Variants in PAX9 observed in about 807,000 individuals in gnomAD.
The protein encoded by PAX9 is paired box 9.
A neutral mutation model predicts 29.1 loss-of-function variants in PAX9; 6 were observed. The observed-to-expected ratio is 0.21, with a 90% CI of 0.11 to 0.41. The LOEUF (loss-of-function observed/expected upper bound fraction) is 0.41, where lower values mean the gene tolerates loss of function less well. PAX9 is among the 10% of genes least tolerant of loss of function. PAX9 has a pLI of 1.00. For missense variants in PAX9, 443 were observed against 479.1 expected (o/e 0.92, Z 0.70); for synonymous variants, 217 against 211.7 (o/e 1.03, Z -0.22).
At chr14:36,668,537 C>G (rs960534324) in intron 3 of PAX9, among the ~76,000 whole-genome samples, 1 of 152,030 alleles carries the variant, frequency 6.6e-6, no homozygotes, top group Non-Finnish European at 1.5e-5. Context: ...TACAGGCACG[C>G]GCCGCCACAC....
chr14:36,669,873 T>G (rs1454836088), intron 3 of PAX9, among the ~76,000 whole-genome samples: 1 of 152,106 alleles, frequency 6.6e-6, no homozygotes, highest in Non-Finnish European at 1.5e-5. Flanking sequence ...AGAATATTTA[T>G]TTTGGCTTTT....
At chr14:36,675,783 G>A (rs180898278) in intron 3 of PAX9, among the ~76,000 whole-genome samples, 28 of 152,268 alleles carry the variant, frequency 1.8e-4, no homozygotes, top group African/African-American at 6.5e-4. Flanking sequence ...AACCAGGCCT[G>A]TCACAAGTGC....
At position 36,678,136 on chromosome 14, in the gene PAX9, G is replaced by C. The variant is rs10141087; in HGVS notation, c.*1684G>C. ...TCCCTAGGTGATTTTAATTTCTTCC[G>C]GTCTGTGCTGTGCACAGTCTACATG... is the stretch of plus-strand genomic sequence containing the variant. On this transcript the variant is annotated 3_prime_UTR_variant, in exon 4 of 4. Transcript: ENST00000361487. 0.52 allele frequency: 131,766 copies of C among 254,366 alleles called. 34,702 individuals carry two copies. Among genetic ancestry groups the C allele is most frequent in the Admixed American group, 0.6 (12,240 of 20,248 alleles). The allele number at this position is 254,366 out of a possible 1,614,324, so 15.8% of individuals were successfully genotyped here.
rs757438363 is a variant in PAX9, at chr14:36,666,488, C to T, written c.658C>T (p.Pro220Ser). ...GAGCGACAGCTCCCCCTACCACAGCCCCAAGGTGGAGGAGTGGAGCAGCCT... is the reference window on the plus strand; with the variant it reads ...GAGCGACAGCTCCCCCTACCACAGCTCCAAGGTGGAGGAGTGGAGCAGCCT... The part of the protein sequence containing the change: ...QVSDSSPYHS[P>S]KVEEWSSLGR... The change falls in exon 3 of 4, where the codon CCC (proline) becomes TCC (serine). Residue 220 changes from proline to serine, a missense_variant. Pro to Ser is a moderately conservative substitution (Grantham distance 74, BLOSUM62 -1). Coordinates refer to ENST00000361487, the MANE Select transcript of PAX9 (RefSeq NM_001372076.1). The T allele has an allele frequency of 6.2e-7, 1 of 1,611,014 alleles. No individual in the cohort carries two copies. The highest frequency in any genetic ancestry group is 1.1e-5 in the South Asian group (1 of 90,322).
Position 36,663,078 on chromosome 14 carries a change from G to T in PAX9, c.186G>T (p.Glu62Asp). The change falls in exon 2 of 4, where the codon GAG (glutamate) becomes GAT (aspartate). Residue 62 changes from glutamate (E) to aspartate (D), a missense_variant. By Grantham distance (45) the Glu-to-Asp change is conservative. Around this residue, in one of 2 missense-constraint regions of PAX9, gnomAD observed 107 missense variants for 161.9 expected, o/e 0.66. Coordinates refer to ENST00000361487, the MANE Select transcript of PAX9 (RefSeq NM_001372076.1). ...CVSKILARYNETGSILPGAIG... is the reference protein window; with the variant it reads ...CVSKILARYNDTGSILPGAIG... ...GCAAGATCCTGGCGCGATACAACGA[G>T]ACGGGCTCGATCTTGCCAGGAGCCA... 1 of 1,613,964 alleles carries T rather than the reference G, an allele frequency of 6.2e-7. No homozygotes were observed. Among genetic ancestry groups the T allele is most frequent in the Non-Finnish European group, 8.5e-7 (1 of 1,180,036 alleles).
intron 3 of PAX9, among the ~76,000 whole-genome samples, chr14:36,675,091 T>C (rs542337595): frequency 6.6e-6 from 1 of 152,322 alleles, no homozygotes; most frequent in South Asian, 2.1e-4. Flanking sequence ...ATTAAATCAA[T>C]TTTCCTCATA....
In PAX9 at chr14:36,663,216, G is replaced by T; in HGVS notation, c.324G>T (p.Ala108=). 1 of 1,614,004 alleles carries T rather than the reference G, an allele frequency of 6.2e-7. No homozygotes were observed. The highest frequency in any genetic ancestry group is 1.1e-5 in the South Asian group (1 of 91,086). The change falls in exon 2 of 4, where the codon GCG becomes GCT. Residue 108 remains alanine, a synonymous_variant. Coordinates refer to ENST00000361487, the MANE Select transcript of PAX9 (RefSeq NM_001372076.1). Reference sequence around the variant, plus strand: ...GGGAGATCCGGGACCGCCTGCTGGCGGACGGCGTGTGCGACAAGTACAATG... The same window carrying T: ...GGGAGATCCGGGACCGCCTGCTGGCTGACGGCGTGTGCGACAAGTACAATG... The part of the protein sequence containing the change: ...FAWEIRDRLL[A]DGVCDKYNVP...
At chr14:36,666,170 G>C in intron 2 of PAX9, 1 of 438,504 alleles carries the variant, frequency 2.3e-6, no homozygotes, top group Non-Finnish European at 4.1e-6. Context: ...CCCTGGGAGA[G>C]CAAAGGGGCG....
chr14:36,660,959 T>C (rs17104888), upstream of PAX9, among the ~76,000 whole-genome samples: 7,648 of 152,312 alleles, frequency 0.05, 643 homozygotes, highest in African/African-American at 0.17. Context: ...TCCACTGTCT[T>C]GGGACTAAGT....
chr14:36,658,500 C>T (rs904309602), upstream of PAX9: 1 of 152,426 alleles, frequency 6.6e-6, no homozygotes, highest in African/African-American at 2.4e-5. Context: ...TGCATACGCA[C>T]CCCCAACTCT....
At chr14:36,667,924 GCTGTACGA>G (rs1312047558) in intron 3 of PAX9, among the ~76,000 whole-genome samples, 4 of 152,218 alleles carry the variant, frequency 2.6e-5, no homozygotes, top group African/African-American at 9.7e-5. Flanking sequence ...CCGATCTCTG[GCTGTACGA>G]CTTCTTAGGA....
chr14:36,661,708 G>C (rs930009746), upstream of PAX9: 19 of 347,660 alleles, frequency 5.5e-5, no homozygotes, highest in East Asian at 1.0e-3. Flanking sequence ...CACCCAGGTG[G>C]GGAGCTAGCC....
intron 3 of PAX9, 73 bp downstream of exon 3, chr14:36,666,674 G>A (rs1881507156): frequency 2.0e-6 from 3 of 1,524,276 alleles, no homozygotes; most frequent in Non-Finnish European, 2.7e-6. Flanking sequence ...CTTTGTGATG[G>A]GTCCCTTTCT....
At chr14:36,673,113 G>A (rs533075182) in intron 3 of PAX9, among the ~76,000 whole-genome samples, 6 of 151,698 alleles carry the variant, frequency 4.0e-5, no homozygotes, top group Non-Finnish European at 5.9e-5. Flanking sequence ...CAATCCGCCC[G>A]CCTCAGCCTG....
In PAX9 at chr14:36,676,405, C is replaced by T. The variant is rs745507886; in HGVS notation, c.979C>T (p.Gln327Ter). The change falls in exon 4 of 4, where the codon CAG becomes TAG. Residue 327 changes from glutamine to a stop codon, truncating the protein, a stop_gained. Coordinates refer to ENST00000361487, the MANE Select transcript of PAX9 (RefSeq NM_001372076.1). LOFTEE classifies it high-confidence loss of function. The part of the protein sequence containing the change: ...IPASLAFKGM[Q>*]AAREGSHSVT... The stretch of plus-strand genomic sequence containing the variant: ...GGCATCGCTGGCGTTCAAGGGAATG[C>T]AGGCAGCCAGAGAAGGTAGTCATTC... The T allele has an allele frequency of 2.5e-6, 4 of 1,614,090 alleles. No individual in the cohort carries two copies. The South Asian group carries it at 4.4e-5, about 18-fold the overall frequency.
In PAX9 at chr14:36,666,732, A is replaced by T. The variant is rs1881510249; in HGVS notation, c.771+131A>T. Reference sequence around the variant, plus strand: ...AGGCTGGCGTCCCTTTGCTGCTACGAGCCAGATCCTTCGTGGACTGGGGCG... The same window carrying T: ...AGGCTGGCGTCCCTTTGCTGCTACGTGCCAGATCCTTCGTGGACTGGGGCG... On this transcript the variant is annotated intron_variant, in intron 3 of 3. Coordinates refer to ENST00000361487, the MANE Select transcript of PAX9 (RefSeq NM_001372076.1). 5 of 1,219,038 alleles carry T rather than the reference A, an allele frequency of 4.1e-6. No individual in the cohort carries two copies. In the Admixed American group the frequency reaches 1.0e-4, roughly 24 times the overall value. The allele number at this position is 1,219,038 out of a possible 1,614,324, so 75.5% of individuals were successfully genotyped here.
At chr14:36,669,371 T>C (rs1881625875) in intron 3 of PAX9, among the ~76,000 whole-genome samples, 1 of 152,168 alleles carries the variant, frequency 6.6e-6, no homozygotes, top group South Asian at 2.1e-4. Context: ...AACCAAAATG[T>C]AAACTCTGGT....
intron 3 of PAX9, chr14:36,671,021 A>T: frequency 2.3e-6 from 1 of 428,672 alleles, no homozygotes; most frequent in South Asian, 1.7e-5. Flanking sequence ...GAGTTCACCA[A>T]AAAAGAGAAA....
Position 36,678,651 on chromosome 14 carries a change from G to A in PAX9, c.*2199G>A, listed in dbSNP as rs1177371386. ...AATGTTTTTAGGTGGCTGTTAGGGG[G>A]CTTTAAAAAATATTACTTGCTTGTG... On this transcript the variant is annotated 3_prime_UTR_variant, in exon 4 of 4. Transcript: ENST00000361487. 4 of 1,257,014 alleles carry A rather than the reference G, an allele frequency of 3.2e-6. No individual in the cohort carries two copies. Among genetic ancestry groups the A allele is most frequent in the Non-Finnish European group, 3.0e-6 (3 of 1,000,954 alleles). The allele number at this position is 1,257,014 out of a possible 1,614,324, so 77.9% of individuals were successfully genotyped here. A position where few individuals can be genotyped will look rare whatever the true frequency, so the allele number is the denominator to read the frequency against.
Sources: gnomAD v4.1 joint callset for allele counts (sites outside exome capture counted in the v4.1 genomes callset) on GRCh38, gnomAD v4.1.1 for gene constraint, gnomAD v4.1.1 regional missense constraint, MANE v1.5 for transcripts, NCBI Gene and HGNC (gene_info 2026-07-23, HGNC 2026-07-21) for gene names.